Variants in YIPF4 observed in about 807,000 individuals in gnomAD.
YIPF4 encodes protein YIPF4.
YIPF4 carries 18 observed loss-of-function variants against 29.4 expected under a neutral mutation model. The observed-to-expected ratio is 0.61, with a 90% CI of 0.42 to 0.91. YIPF4 has a LOEUF of 0.91. Among genes scored for constraint, YIPF4 ranks in the 40% least tolerant of loss-of-function variants. The pLI is 0.00. For synonymous variants in YIPF4, 115 were observed against 104.7 expected, an observed-to-expected ratio of 1.10 and a Z score of -0.60; for missense variants, 279 against 282.7, an observed-to-expected ratio of 0.99 and a Z score of 0.09.
chr2:32,291,544 C>G (rs1258004817), intron 2 of YIPF4, among the ~76,000 whole-genome samples: 1 of 152,024 alleles, frequency 6.6e-6, no homozygotes, highest in Non-Finnish European at 1.5e-5. Context: ...ACTCTTGTCT[C>G]AAAAACAAAG....
intron 1 of YIPF4, among the ~76,000 whole-genome samples, chr2:32,289,357 A>G (rs978769334): frequency 1.3e-5 from 2 of 152,114 alleles, no homozygotes; most frequent in Non-Finnish European, 2.9e-5. Flanking sequence ...CCAGGATGTG[A>G]CTCATAGAGT....
chr2:32,286,277 C>T (rs1418872111), intron 1 of YIPF4, among the ~76,000 whole-genome samples: 1 of 152,130 alleles, frequency 6.6e-6, no homozygotes, highest in Non-Finnish European at 1.5e-5. Flanking sequence ...TGAGTTTGTA[C>T]TATTGGGAAA....
chr2:32,306,339 AAC>A lies in YIPF4; in HGVS notation c.*715_*716del. On this transcript the variant is annotated 3_prime_UTR_variant, in exon 6 of 6. Coordinates refer to ENST00000238831, the MANE Select transcript of YIPF4 (RefSeq NM_032312.4). Reference sequence around the variant, plus strand: ...TTTCAAAACCATTTTTGAATGTCCAAACATCTGATTTAAAGTTTCTGTTTATC... The same window carrying A: ...TTTCAAAACCATTTTTGAATGTCCAAATCTGATTTAAAGTTTCTGTTTATC... 4.1e-6 allele frequency: 4 copies of A among 985,810 alleles called. No homozygotes were observed. Among genetic ancestry groups the A allele is most frequent in the Non-Finnish European group, 4.8e-6 (4 of 829,892 alleles). 61.1% of individuals were successfully genotyped at this position (985,810 alleles called of 1,614,324 possible).
In YIPF4 at chr2:32,310,820, G is replaced by A. The variant is rs2031703215; in HGVS notation, c.*5194G>A. ...GAGCCTGGGAGGTTGAGGCTGCAGTGAGCCGCGATCACACCACTGCATGCC... is the reference window on the plus strand; with the variant it reads ...GAGCCTGGGAGGTTGAGGCTGCAGTAAGCCGCGATCACACCACTGCATGCC... On this transcript the variant is annotated 3_prime_UTR_variant, in exon 6 of 6. Transcript: ENST00000238831. 1 of 152,116 alleles carries A rather than the reference G, an allele frequency of 6.6e-6. No individual in the cohort carries two copies. Among genetic ancestry groups the A allele is most frequent in the Non-Finnish European group, 1.5e-5 (1 of 68,062 alleles). The allele number at this position is 152,116 out of a possible 1,614,324, so 9.4% of individuals were successfully genotyped here.
At chr2:32,305,176 T>C (rs1378256293) in intron 5 of YIPF4, among the ~76,000 whole-genome samples, 1 of 152,130 alleles carries the variant, frequency 6.6e-6, no homozygotes, top group Non-Finnish European at 1.5e-5. Context: ...TTAGAAATTA[T>C]AGCTCAAAGA....
chr2:32,301,529 G>A, intron 5 of YIPF4, 34 bp downstream of exon 5: 1 of 1,440,564 alleles, frequency 6.9e-7, no homozygotes, highest in Non-Finnish European at 9.7e-7. Flanking sequence ...ATAGTTTACT[G>A]TTTTCCAATG....
intron 3 of YIPF4, among the ~76,000 whole-genome samples, chr2:32,296,506 T>G (rs2031193936): frequency 6.6e-6 from 1 of 151,850 alleles, no homozygotes; most frequent in Admixed American, 6.6e-5. Flanking sequence ...CCCAGAAGAT[T>G]ACTATACCAT....
rs983629116 is a variant in YIPF4, at chr2:32,311,942, C to A, written c.*6316C>A. ...AATGATTAAGTTCAATATTTTTGCT[C>A]TATTTTATACCTACTCACTTTGGTG... On this transcript the variant is annotated 3_prime_UTR_variant, in exon 6 of 6. Coordinates refer to ENST00000238831, the MANE Select transcript of YIPF4 (RefSeq NM_032312.4). 2 of 152,156 alleles carry A rather than the reference C, an allele frequency of 1.3e-5. No homozygotes were observed. The highest frequency in any genetic ancestry group is 4.8e-5 in the African/African-American group (2 of 41,454). 9.4% of individuals were successfully genotyped at this position (152,156 alleles called of 1,614,324 possible).
At chr2:32,280,348 T>A (rs539168777) in intron 1 of YIPF4, among the ~76,000 whole-genome samples, 2 of 150,544 alleles carry the variant, frequency 1.3e-5, no homozygotes, top group East Asian at 3.9e-4. Flanking sequence ...GCCAGGATGG[T>A]CTTGATCTCC....
chr2:32,278,085 G>C lies in YIPF4; in HGVS notation c.-71G>C. 1 of 1,401,242 alleles carries C rather than the reference G, an allele frequency of 7.1e-7. No homozygotes were observed. The highest frequency in any genetic ancestry group is 1.5e-5 in the African/African-American group (1 of 66,418). The allele number at this position is 1,401,242 out of a possible 1,614,324, so 86.8% of individuals were successfully genotyped here. ...CCGTAGGGCGAGCGTGCGGGTCGCC[G>C]CCGCGGCCGCCTCGGGGTCTGGGCC... On this transcript the variant is annotated 5_prime_UTR_variant, in exon 1 of 6. Coordinates refer to ENST00000238831, the MANE Select transcript of YIPF4 (RefSeq NM_032312.4).
chr2:32,289,023 CCT>C (rs1303055165), intron 1 of YIPF4, among the ~76,000 whole-genome samples: 2 of 152,152 alleles, frequency 1.3e-5, no homozygotes, highest in African/African-American at 4.8e-5. Context: ...TTAAATTCCA[CCT>C]CTCTCATTTC....
rs2031720627 is a variant in YIPF4 at position 32,311,775 on chromosome 2, C to G, written c.*6149C>G. On this transcript the variant is annotated 3_prime_UTR_variant, in exon 6 of 6. Transcript: ENST00000238831. Reference sequence around the variant, plus strand: ...GCCACTGAGCAATTTTTATTAAAAACCAAACAGAAGTATTTACACAAGAAC... The same window carrying G: ...GCCACTGAGCAATTTTTATTAAAAAGCAAACAGAAGTATTTACACAAGAAC... 4 of 151,846 alleles carry G rather than the reference C, an allele frequency of 2.6e-5. No individual in the cohort carries two copies. 9.4% of individuals were successfully genotyped at this position (151,846 alleles called of 1,614,324 possible). A position where few individuals can be genotyped will look rare whatever the true frequency, so the allele number is the denominator to read the frequency against.
At chr2:32,299,547 C>T (rs752584576) in intron 4 of YIPF4, among the ~76,000 whole-genome samples, 23 of 152,170 alleles carry the variant, frequency 1.5e-4, no homozygotes, top group African/African-American at 5.3e-4. Flanking sequence ...GGGGGCTGGG[C>T]GCCGTGGCTC....
At position 32,306,042 on chromosome 2, in the gene YIPF4, T is replaced by TAAG; in HGVS notation, c.*417_*418insAGA. 1.1e-6 allele frequency: 1 copy of TAAG among 873,508 alleles called. No homozygotes were observed. The highest frequency in any genetic ancestry group is 1.4e-6 in the Non-Finnish European group (1 of 728,126). The allele number at this position is 873,508 out of a possible 1,614,324, so 54.1% of individuals were successfully genotyped here. ...TCTCCAGCATCACAGATCCTGCAGA[T>TAAG]ATATATTTATATTTATACATATATA... On this transcript the variant is annotated 3_prime_UTR_variant, in exon 6 of 6. Transcript: ENST00000238831.
At chr2:32,298,119 C>G in intron 3 of YIPF4, 115 bp from the exon 4 acceptor site, 1 of 749,298 alleles carries the variant, frequency 1.3e-6, no homozygotes, top group Non-Finnish European at 2.3e-6. Flanking sequence ...CATAATCTCT[C>G]TATGACCTGA....
Position 32,310,916 on chromosome 2 carries a change from C to T in YIPF4, c.*5290C>T, listed in dbSNP as rs935812444. ...AGTAAAAATTGCATGTAAGTTGACC[C>T]GCACTATTCAAATTTGTGGTGTTCA... On this transcript the variant is annotated 3_prime_UTR_variant, in exon 6 of 6. Transcript: ENST00000238831. The T allele has an allele frequency of 6.6e-6, 1 of 151,912 alleles. No individual in the cohort carries two copies. The highest frequency in any genetic ancestry group is 1.5e-5 in the Non-Finnish European group (1 of 67,996). 9.4% of individuals were successfully genotyped at this position (151,912 alleles called of 1,614,324 possible).
At chr2:32,289,060 A>G (rs1299190682) in intron 1 of YIPF4, among the ~76,000 whole-genome samples, 2 of 152,212 alleles carry the variant, frequency 1.3e-5, no homozygotes, top group East Asian at 1.9e-4. Context: ...AGTAGCAAGC[A>G]CTTATAAGAG....
chr2:32,288,313 A>G (rs1202321941), intron 1 of YIPF4, among the ~76,000 whole-genome samples: 1 of 152,150 alleles, frequency 6.6e-6, no homozygotes, highest in Non-Finnish European at 1.5e-5. Flanking sequence ...AAACTGCTAA[A>G]CATGTACAGT....
At chr2:32,286,601 A>C (rs932612272) in intron 1 of YIPF4, among the ~76,000 whole-genome samples, 1 of 152,144 alleles carries the variant, frequency 6.6e-6, no homozygotes, top group East Asian at 1.9e-4. Flanking sequence ...GCTGGAGTGC[A>C]GTGGCGCGAT....
Sources: gnomAD v4.1 joint callset for allele counts (sites outside exome capture counted in the v4.1 genomes callset) on GRCh38, gnomAD v4.1.1 for gene constraint, MANE v1.5 for transcripts, NCBI Gene and HGNC (gene_info 2026-07-23, HGNC 2026-07-21) for gene names.